Variants in DAB1 observed in about 807,000 individuals in gnomAD.
DAB1 encodes disabled homolog 1.
In DAB1, 15 loss-of-function variants were observed where a neutral mutation model predicts 64.6. The observed-to-expected ratio is 0.23, with a 90% CI of 0.16 to 0.36. DAB1 has a LOEUF of 0.36. Ranked by LOEUF, DAB1 falls within the 10% of genes least tolerant of loss-of-function variation. The pLI, the probability that DAB1 is intolerant of heterozygous loss-of-function variation, is 1.00. For missense variants in DAB1, 596 were observed against 706.7 expected, an observed-to-expected ratio of 0.84 and a Z score of 1.78; for synonymous variants, 235 against 251.9, an observed-to-expected ratio of 0.93 and a Z score of 0.64.
Position 56,995,848 on chromosome 1 carries a change from T to A in DAB1, c.*2296A>T, listed in dbSNP as rs1645595381. ...CCAACTCTTATGGTCATTCCACCTT[T>A]CCCATCTTCCCGTTCATGTGAAAGG... On this transcript the variant is annotated 3_prime_UTR_variant, in exon 15 of 15. Coordinates refer to ENST00000371236, the MANE Select transcript of DAB1 (RefSeq NM_001365792.1). 6.6e-6 allele frequency: 1 copy of A among 152,206 alleles called. No individual in the cohort carries two copies. Among genetic ancestry groups the A allele is most frequent in the Admixed American group, 6.5e-5 (1 of 15,290 alleles). 9.4% of individuals were successfully genotyped at this position (152,206 alleles called of 1,614,324 possible).
At chr1:57,626,237 G>A (rs1455457485) in intron 7 of DAB1, among the ~76,000 whole-genome samples, 2 of 152,162 alleles carry the variant, frequency 1.3e-5, no homozygotes, top group African/African-American at 4.8e-5. Context: ...AGGAGCTGGT[G>A]AAGGTTTCTA....
In DAB1 at chr1:57,536,319, G is replaced by A. The variant is rs147065420; in HGVS notation, n.625+113273C>T. Among the ~76,000 whole-genome samples, 1,015 of 152,300 alleles carry A rather than the reference G, an allele frequency of 6.7e-3. 9 individuals carry two copies. The highest frequency in any genetic ancestry group is 0.024 in the African/African-American group (980 of 41,562). On this transcript the variant is annotated intron_variant and non_coding_transcript_variant, in intron 7 of 20. Coordinates refer to the DAB1 transcript ENST00000485760. ...GAGTCAGCTAGTGCCAAAAAAGCAG[G>A]ACAGATTTCTGTAAAAGGATTTTGA...
At chr1:58,304,086 G>A (rs1320067767) in intron 4 of DAB1, among the ~76,000 whole-genome samples, 1 of 152,018 alleles carries the variant, frequency 6.6e-6, no homozygotes, top group Non-Finnish European at 1.5e-5. Context: ...GGATAAGTAC[G>A]GGGAAAAATT....
chr1:57,142,849 T>A (rs994627598), intron 3 of DAB1, among the ~76,000 whole-genome samples: 1 of 152,164 alleles, frequency 6.6e-6, no homozygotes, highest in African/African-American at 2.4e-5. Context: ...TTTCTCCTCC[T>A]CAGCAGATTT....
At chr1:58,294,877 T>TGTGC (rs2100453909) in intron 4 of DAB1, among the ~76,000 whole-genome samples, 1 of 150,800 alleles carries the variant, frequency 6.6e-6, no homozygotes, top group Admixed American at 6.6e-5. Context: ...TGTGTGTGTG[T>TGTGC]GTGTGTGTGT....
intron 4 of DAB1, among the ~76,000 whole-genome samples, chr1:58,180,655 GA>G (rs1656743466): frequency 6.6e-6 from 1 of 151,946 alleles, no homozygotes; most frequent in South Asian, 2.1e-4. Context: ...GCCTTAGCTG[GA>G]CCCCACAAAT....
At chr1:57,801,469 A>G (rs1651121071) in intron 6 of DAB1, among the ~76,000 whole-genome samples, 1 of 152,188 alleles carries the variant, frequency 6.6e-6, no homozygotes, top group African/African-American at 2.4e-5. Flanking sequence ...AGTGGCATGA[A>G]AAAATATAGA....
intron 2 of DAB1, among the ~76,000 whole-genome samples, chr1:57,156,826 T>C (rs1660267315): frequency 6.6e-6 from 1 of 152,212 alleles, no homozygotes; most frequent in African/African-American, 2.4e-5. Flanking sequence ...TCCAGCCGAT[T>C]CTTCTGGGCA....
At chr1:58,277,414 C>T (rs1384743963) in intron 4 of DAB1, among the ~76,000 whole-genome samples, 1 of 152,138 alleles carries the variant, frequency 6.6e-6, no homozygotes, top group Non-Finnish European at 1.5e-5. Flanking sequence ...AAATATCATC[C>T]GTGCTAAAGG....
rs571894657 is a variant in DAB1 at position 57,106,136 on chromosome 1, C to T, written c.306+30407G>A. ...GTTTCTCTCCCTTTCTCTTAGGCAACGATAATCACATCGGGTTAACCTTTT... is the reference window on the plus strand; with the variant it reads ...GTTTCTCTCCCTTTCTCTTAGGCAATGATAATCACATCGGGTTAACCTTTT... On this transcript the variant is annotated intron_variant, in intron 4 of 14. Transcript: ENST00000371236. Among the ~76,000 whole-genome samples the T allele has an allele frequency of 1.3e-4, 20 of 152,240 alleles. No homozygotes were observed. In the South Asian group the frequency reaches 4.2e-3, roughly 32 times the overall value.
At chr1:57,666,458 T>C (rs1646448469) in intron 6 of DAB1, among the ~76,000 whole-genome samples, 1 of 152,136 alleles carries the variant, frequency 6.6e-6, no homozygotes, top group African/African-American at 2.4e-5. Flanking sequence ...GGATGCTTGT[T>C]TCCTGAGCAA....
intron 3 of DAB1, among the ~76,000 whole-genome samples, chr1:58,395,135 C>A (rs1425206734): frequency 6.6e-6 from 1 of 152,086 alleles, no homozygotes; most frequent in African/African-American, 2.4e-5. Flanking sequence ...CCTCTGTTAG[C>A]AATGCATCTT....
At chr1:57,677,936 A>T (rs1646587492) in intron 6 of DAB1, among the ~76,000 whole-genome samples, 1 of 152,222 alleles carries the variant, frequency 6.6e-6, no homozygotes, top group Non-Finnish European at 1.5e-5. Context: ...TATTAGAATC[A>T]TGAGTATGGC....
chr1:58,124,535 GCTT>G (rs1485995143), intron 5 of DAB1, among the ~76,000 whole-genome samples: 1 of 152,130 alleles, frequency 6.6e-6, no homozygotes, highest in Non-Finnish European at 1.5e-5. Flanking sequence ...TTTGATATCT[GCTT>G]TTTTATTTGC....
At chr1:57,517,833 C>T (rs759061983) in intron 7 of DAB1, among the ~76,000 whole-genome samples, 70 of 152,280 alleles carry the variant, frequency 4.6e-4, no homozygotes, top group Non-Finnish European at 6.9e-4. Context: ...TCTGCAGTTT[C>T]CTATACACCT....
rs145485671 is a variant in DAB1, at chr1:57,250,756, T to G, written c.67+40208A>C. Among the ~76,000 whole-genome samples the G allele has an allele frequency of 2.5e-3, 377 of 152,308 alleles. 2 individuals are homozygous for G. Among genetic ancestry groups the G allele is most frequent in the Middle Eastern group, 0.01 (3 of 294 alleles). The stretch of plus-strand genomic sequence containing the variant: ...GTTTATTATTTTAGTAAATATAATT[T>G]TTTAATATTTTACCTGGATAAATTA... On this transcript the variant is annotated intron_variant, in intron 2 of 14. Coordinates refer to ENST00000371236, the MANE Select transcript of DAB1 (RefSeq NM_001365792.1).
intron 2 of DAB1, among the ~76,000 whole-genome samples, chr1:57,270,788 A>G (rs1272243826): frequency 6.6e-6 from 1 of 152,126 alleles, no homozygotes; most frequent in Non-Finnish European, 1.5e-5. Context: ...CTCCACCAAT[A>G]CTCACTGAGC....
intron 5 of DAB1, among the ~76,000 whole-genome samples, chr1:57,916,134 C>T (rs1202656700): frequency 6.6e-6 from 1 of 152,158 alleles, no homozygotes; most frequent in African/African-American, 2.4e-5. Context: ...TCCCTATTTC[C>T]TGTAAAGTAA....
At chr1:57,208,040 A>G (rs1665732094) in intron 2 of DAB1, among the ~76,000 whole-genome samples, 1 of 152,184 alleles carries the variant, frequency 6.6e-6, no homozygotes, top group African/African-American at 2.4e-5. Flanking sequence ...TAAGGATTGT[A>G]ATGCAAGTAA....
Sources: gnomAD v4.1 joint callset for allele counts (sites outside exome capture counted in the v4.1 genomes callset) on GRCh38, gnomAD v4.1.1 for gene constraint, MANE v1.5 for transcripts, NCBI Gene and HGNC (gene_info 2026-07-23, HGNC 2026-07-21) for gene names.